The following ABRA variants were observed in gnomAD, a reference collection of about 807,000 sequenced individuals.
ABRA encodes the protein actin binding Rho activating protein.
In ABRA, 25 loss-of-function variants were observed where a neutral mutation model predicts 33.4. The observed-to-expected ratio is 0.75, with a 90% CI of 0.55 to 1.04. The LOEUF is 1.04. ABRA is among the 50% of genes least tolerant of loss of function. The pLI, the probability that ABRA is intolerant of heterozygous loss-of-function variation, is 0.00. For missense variants in ABRA, 501 were observed against 491.7 expected (o/e 1.02, Z -0.18); for synonymous variants, 193 against 176.8 (o/e 1.09, Z -0.73).
intron 1 of ABRA, among the ~76,000 whole-genome samples, chr8:106,762,944 A>G (rs1452871251): frequency 6.6e-6 from 1 of 152,188 alleles, no homozygotes; most frequent in Non-Finnish European, 1.5e-5. Context: ...AACCATCACA[A>G]GCGTCCCACC....
chr8:106,769,429 C>T (rs1810560623), intron 1 of ABRA, 94 bp downstream of exon 1: 15 of 1,502,354 alleles, frequency 1.0e-5, no homozygotes, highest in Non-Finnish European at 1.3e-5. Context: ...TCACTCTAAC[C>T]CTGGCAGGAC....
In ABRA at chr8:106,760,359, G is replaced by A. The variant is rs1771030607; in HGVS notation, c.*678C>T. On this transcript the variant is annotated 3_prime_UTR_variant, in exon 2 of 2. Transcript: ENST00000311955. The stretch of plus-strand genomic sequence containing the variant: ...AAACCTGTTAGAATCCAAGCCCACA[G>A]AGGAACTTCAACAATTTCAGCAACA... The A allele has an allele frequency of 6.6e-6, 1 of 152,156 alleles. No homozygotes were observed. The highest frequency in any genetic ancestry group is 2.4e-5 in the African/African-American group (1 of 41,438). 9.4% of individuals were successfully genotyped at this position (152,156 alleles called of 1,614,324 possible).
intron 1 of ABRA, among the ~76,000 whole-genome samples, chr8:106,763,668 C>T (rs1247688170): frequency 6.6e-6 from 1 of 152,180 alleles, no homozygotes; most frequent in Admixed American, 6.5e-5. Context: ...AAGGCATATT[C>T]TTCAATATCA....
At position 106,761,544 on chromosome 8, in the gene ABRA, A is replaced by T. The variant is rs753075741; in HGVS notation, c.669-30T>A. 13 of 1,571,086 alleles carry T rather than the reference A, an allele frequency of 8.3e-6. No homozygotes were observed. The South Asian group carries it at 1.3e-4, about 15-fold the overall frequency. On this transcript the variant is annotated intron_variant, in intron 1 of 1. Coordinates refer to ENST00000311955, the MANE Select transcript of ABRA (RefSeq NM_139166.5). ...AGTAGAGAGAGGGTGAACAATCAAG[A>T]TTCAGATATGTTAACACCGAGTGTT...
Position 106,761,179 on chromosome 8 carries a change from T to A in ABRA, c.1004A>T (p.Asp335Val). Residue 335 changes from aspartate to valine, a missense_variant, in exon 2 of 2, where the codon GAT (aspartate) becomes GTT (valine). Physicochemically the swap from Asp to Val is radical, Grantham distance 152. Coordinates refer to ENST00000311955, the MANE Select transcript of ABRA (RefSeq NM_139166.5). ...RDGKIQVTFG[D>V]LFDRYVRISD... ...AATACGAACGTATCTGTCAAAGAGATCTCCAAAAGTAACCTGGATCTTGCC... is the reference window on the plus strand; with the variant it reads ...AATACGAACGTATCTGTCAAAGAGAACTCCAAAAGTAACCTGGATCTTGCC... The A allele has an allele frequency of 6.2e-7, 1 of 1,614,190 alleles. No homozygotes were observed. The highest frequency in any genetic ancestry group is 8.5e-7 in the Non-Finnish European group (1 of 1,180,036).
rs757771625 is a variant in ABRA at position 106,769,566 on chromosome 8, C to G, written c.625G>C (p.Val209Leu). The part of the protein sequence containing the change: ...EAEERPEQDG[V>L]QVAVVRIKRP... ...TTGATCCTGACCACAGCCACCTGCA[C>G]TCCATCCTGCTCGGGCCTCTCCTCA... Residue 209 changes from valine to leucine, a missense_variant, in exon 1 of 2, where the codon GTG becomes CTG. By Grantham distance (32) the Val-to-Leu change is conservative. Coordinates refer to ENST00000311955, the MANE Select transcript of ABRA (RefSeq NM_139166.5). 2 of 1,614,202 alleles carry G rather than the reference C, an allele frequency of 1.2e-6. No homozygotes were observed. The highest frequency in any genetic ancestry group is 3.3e-5 in the Admixed American group (2 of 60,032).
At chr8:106,768,739 T>C (rs114167163) in intron 1 of ABRA, among the ~76,000 whole-genome samples, 3,082 of 152,274 alleles carry the variant, frequency 0.02, 85 homozygotes, top group African/African-American at 0.07. Context: ...GTTAAAGCCA[T>C]TCTCATGCCT....
rs1563780307 is a variant in ABRA, at chr8:106,761,515, C to T, written c.669-1G>A. ...GAGTTTCTCTGTAAATCTGTTTACC[C>T]TAAAGTAGAGAGAGGGTGAACAATC... On this transcript the variant is annotated splice_acceptor_variant, in intron 1 of 1. Coordinates refer to ENST00000311955, the MANE Select transcript of ABRA (RefSeq NM_139166.5). LOFTEE classifies it high-confidence loss of function. The T allele has an allele frequency of 1.9e-6, 3 of 1,609,088 alleles. No individual in the cohort carries two copies. Among genetic ancestry groups the T allele is most frequent in the Non-Finnish European group, 2.5e-6 (3 of 1,177,192 alleles).
In ABRA at chr8:106,761,320, C is replaced by T. The variant is rs777760983; in HGVS notation, c.863G>A (p.Arg288His). Residue 288 changes from arginine to histidine, a missense_variant, in exon 2 of 2, where the codon CGC becomes CAC. Coordinates refer to ENST00000311955, the MANE Select transcript of ABRA (RefSeq NM_139166.5). ...AGCAGTTTTGGTTCCTTCTTTGGGGCGGCCATAGCCCTCATCTCCTTTGTG... is the reference window on the plus strand; with the variant it reads ...AGCAGTTTTGGTTCCTTCTTTGGGGTGGCCATAGCCCTCATCTCCTTTGTG... ...RLHKGDEGYG[R>H]PKEGTKTAER... 3.7e-5 allele frequency: 60 copies of T among 1,614,138 alleles called. No homozygotes were observed. Among genetic ancestry groups the T allele is most frequent in the Non-Finnish European group, 4.7e-5 (56 of 1,180,028 alleles).
At chr8:106,767,849 C>A (rs987169899) in intron 1 of ABRA, among the ~76,000 whole-genome samples, 5 of 152,172 alleles carry the variant, frequency 3.3e-5, no homozygotes, top group Admixed American at 6.5e-5. Flanking sequence ...CATCCCAGGA[C>A]TTTGGGAGGC....
At chr8:106,763,735 G>A (rs759233365) in intron 1 of ABRA, among the ~76,000 whole-genome samples, 1 of 152,200 alleles carries the variant, frequency 6.6e-6, no homozygotes, top group Admixed American at 6.5e-5. Flanking sequence ...CAGCTGAGGT[G>A]TCCTGCCAGA....
Position 106,769,894 on chromosome 8 carries a change from A to T in ABRA, c.297T>A (p.Pro99=). The change falls in exon 1 of 2, where the codon CCT becomes CCA. Residue 99 remains proline (P), a synonymous_variant. Coordinates refer to ENST00000311955, the MANE Select transcript of ABRA (RefSeq NM_139166.5). The part of the protein sequence containing the change: ...HGDGQSSEKA[P]EVSHIKKKEV... Reference sequence around the variant, plus strand: ...CTTTCTTTTTGATGTGAGAAACCTCAGGGGCTTTCTCTGAGCTTTGTCCAT... The same window carrying T: ...CTTTCTTTTTGATGTGAGAAACCTCTGGGGCTTTCTCTGAGCTTTGTCCAT... The T allele has an allele frequency of 6.2e-7, 1 of 1,614,090 alleles. No individual in the cohort carries two copies. Among genetic ancestry groups the T allele is most frequent in the East Asian group, 2.2e-5 (1 of 44,876 alleles).
At chr8:106,764,468 T>C (rs1380077081) in intron 1 of ABRA, among the ~76,000 whole-genome samples, 1 of 152,070 alleles carries the variant, frequency 6.6e-6, no homozygotes, top group Admixed American at 6.6e-5. Flanking sequence ...AGCCTGGCTA[T>C]CATGGTGAAA....
rs1348989611 is a variant in ABRA at position 106,761,427 on chromosome 8, C to T, written c.756G>A (p.Trp252Ter). Residue 252 changes from tryptophan (W) to a stop codon, truncating the protein, a stop_gained, in exon 2 of 2, where the codon TGG becomes TGA. Coordinates refer to ENST00000311955, the MANE Select transcript of ABRA (RefSeq NM_139166.5). LOFTEE classifies it high-confidence loss of function. ...VGNLKGRWQQ[W>*]ADEHIQSQKL... Reference sequence around the variant, plus strand: ...TCTGGGATTGTATGTGTTCATCAGCCCACTGCTGCCATCTCCCTTTCAAGT... The same window carrying T: ...TCTGGGATTGTATGTGTTCATCAGCTCACTGCTGCCATCTCCCTTTCAAGT... The T allele has an allele frequency of 1.2e-6, 2 of 1,614,140 alleles. No individual in the cohort carries two copies. The highest frequency in any genetic ancestry group is 4.5e-5 in the East Asian group (2 of 44,888).
In ABRA at chr8:106,769,894, A is replaced by G; in HGVS notation, c.297T>C (p.Pro99=). Residue 99 remains proline, a synonymous_variant, in exon 1 of 2, where the codon CCT becomes CCC. Transcript: ENST00000311955. ...CTTTCTTTTTGATGTGAGAAACCTC[A>G]GGGGCTTTCTCTGAGCTTTGTCCAT... ...HGDGQSSEKA[P]EVSHIKKKEV... 2 of 1,614,090 alleles carry G rather than the reference A, an allele frequency of 1.2e-6. No homozygotes were observed. The highest frequency in any genetic ancestry group is 1.1e-5 in the South Asian group (1 of 91,078).
chr8:106,761,591 C>A, intron 1 of ABRA, 77 bp from the exon 2 acceptor site: 3 of 1,142,044 alleles, frequency 2.6e-6, no homozygotes, highest in Non-Finnish European at 3.8e-6. Context: ...GTACTTCCCA[C>A]ACATATGCAT....
Position 106,761,100 on chromosome 8 carries a change from G to T in ABRA, c.1083C>A (p.Asp361Glu). ...CTTGCCATAGCATCTCTCCTTCAAA[G>T]TCTACCAGTCCATGTTTCCTGGCAC... ...LMRARKHGLVDFEGEMLWQGR... is the reference protein window; with the variant it reads ...LMRARKHGLVEFEGEMLWQGR... Residue 361 changes from aspartate (D) to glutamate (E), a missense_variant, in exon 2 of 2, where the codon GAC becomes GAA. By Grantham distance (45) the Asp-to-Glu change is conservative. Coordinates refer to ENST00000311955, the MANE Select transcript of ABRA (RefSeq NM_139166.5). The T allele has an allele frequency of 1.2e-6, 2 of 1,614,190 alleles. No individual in the cohort carries two copies. The highest frequency in any genetic ancestry group is 1.7e-6 in the Non-Finnish European group (2 of 1,180,044).
chr8:106,768,898 A>C (rs1022920187), intron 1 of ABRA, among the ~76,000 whole-genome samples: 6 of 152,186 alleles, frequency 3.9e-5, no homozygotes, highest in Non-Finnish European at 5.9e-5. Flanking sequence ...CAGCCTCCCA[A>C]AGTGCTGAGA....
rs1182930407 is a variant in ABRA at position 106,761,226 on chromosome 8, T to C, written c.957A>G (p.Thr319=). The change falls in exon 2 of 2, where the codon ACA becomes ACG. Residue 319 remains threonine, a synonymous_variant. Transcript: ENST00000311955. ...TGCCATCTCGTCTGTGGCGAGCCAT[T>C]GTGCAGATAATGAAGCACATGTCCA... ...EMMDMCFIIC[T]MARHRRDGKI... 5 of 1,614,240 alleles carry C rather than the reference T, an allele frequency of 3.1e-6. No individual in the cohort carries two copies. The highest frequency in any genetic ancestry group is 4.2e-6 in the Non-Finnish European group (5 of 1,180,044).
Sources: allele counts gnomAD v4.1 joint callset (sites outside exome capture counted in the v4.1 genomes callset), GRCh38; gene constraint gnomAD v4.1.1; transcripts MANE v1.5; gene names NCBI Gene and HGNC (gene_info 2026-07-23, HGNC 2026-07-21).